MLYCD: variants seen among roughly 807,000 people sequenced by gnomAD.
MLYCD encodes malonyl-CoA decarboxylase, mitochondrial.
A neutral mutation model predicts 35.8 loss-of-function variants in MLYCD; 27 were observed. That is an observed-to-expected ratio of 0.75 (90% CI 0.56 to 1.04). The LOEUF (loss-of-function observed/expected upper bound fraction) is 1.04. Among genes scored for constraint, MLYCD ranks in the 50% least tolerant of loss-of-function variants. The pLI, the probability that MLYCD is intolerant of heterozygous loss-of-function variation, is 0.00. For missense variants in MLYCD, 917 were observed against 665.1 expected, an observed-to-expected ratio of 1.38 and a Z score of -4.17; for synonymous variants, 403 against 302.4, an observed-to-expected ratio of 1.33 and a Z score of -3.45.
Position 83,908,302 on chromosome 16 carries a change from C to T in MLYCD, c.798+20C>T, listed in dbSNP as rs375152688. 3.5e-5 allele frequency: 57 copies of T among 1,613,104 alleles called. No individual in the cohort carries two copies. Among genetic ancestry groups the T allele is most frequent in the East Asian group, 1.3e-4 (6 of 44,870 alleles). On this transcript the variant is annotated intron_variant, in intron 3 of 4. Transcript: ENST00000262430. ...ATCCAGGTACCTGCGATGGTCAATT[C>T]GGGACAAGATGGGCACCCCATAGAG... is the stretch of plus-strand genomic sequence containing the variant.
At chr16:83,904,960 G>A (rs1234746246) in intron 1 of MLYCD, among the ~76,000 whole-genome samples, 1 of 152,186 alleles carries the variant, frequency 6.6e-6, no homozygotes, top group African/African-American at 2.4e-5. Context: ...CCTCTTTCGT[G>A]CCCTAGTGCT....
At chr16:83,900,854 A>G (rs780028351) in intron 1 of MLYCD, among the ~76,000 whole-genome samples, 4 of 152,222 alleles carry the variant, frequency 2.6e-5, no homozygotes, top group Non-Finnish European at 4.4e-5. Flanking sequence ...GTAAAGGAGA[A>G]CATGCTGAGG....
intron 1 of MLYCD, among the ~76,000 whole-genome samples, chr16:83,903,550 G>A (rs1906872223): frequency 6.6e-6 from 1 of 152,148 alleles, no homozygotes; most frequent in African/African-American, 2.4e-5. Flanking sequence ...AAAATAAGCA[G>A]ATCTTGATAG....
Position 83,924,416 on chromosome 16 carries a change from C to G in MLYCD, c.*8927C>G, listed in dbSNP as rs1309311091. ...GAGATGGAGTGGGCCGTATCCCACC[C>G]AGCAGGAGCGCTTGCTTCTGAAGCT... On this transcript the variant is annotated 3_prime_UTR_variant, in exon 5 of 5. Transcript: ENST00000262430. 1.3e-5 allele frequency: 2 copies of G among 152,244 alleles called. No individual in the cohort carries two copies. Among genetic ancestry groups the G allele is most frequent in the African/African-American group, 4.8e-5 (2 of 41,442 alleles). 9.4% of individuals were successfully genotyped at this position (152,244 alleles called of 1,614,324 possible). A position where few individuals can be genotyped will look rare whatever the true frequency, so the allele number is the denominator to read the frequency against.
intron 1 of MLYCD, among the ~76,000 whole-genome samples, chr16:83,904,009 C>T (rs144380980): frequency 3.9e-5 from 6 of 152,168 alleles, no homozygotes; most frequent in South Asian, 2.1e-4. Context: ...AACTGAGCAA[C>T]GGAGACTTCT....
chr16:83,909,040 A>C (rs1907080074), intron 3 of MLYCD, among the ~76,000 whole-genome samples: 2 of 152,192 alleles, frequency 1.3e-5, no homozygotes, highest in African/African-American at 4.8e-5. Flanking sequence ...AGAGAAGCTG[A>C]GTAGGGCAAA....
intron 1 of MLYCD, among the ~76,000 whole-genome samples, chr16:83,905,375 G>C (rs141135327): frequency 1.3e-5 from 2 of 152,264 alleles, no homozygotes; most frequent in African/African-American, 2.4e-5. Flanking sequence ...ATGTTCAGTG[G>C]ATCTGTTACT....
rs551713915 is a variant in MLYCD at position 83,915,619 on chromosome 16, G to T, written c.*130G>T. ...TTGACTGTGTTCTTGTCCCGCAGCCGGTCCACACTGTGAGGCCAGGCCTCA... is the reference window on the plus strand; with the variant it reads ...TTGACTGTGTTCTTGTCCCGCAGCCTGTCCACACTGTGAGGCCAGGCCTCA... On this transcript the variant is annotated 3_prime_UTR_variant, in exon 5 of 5. Coordinates refer to ENST00000262430, the MANE Select transcript of MLYCD (RefSeq NM_012213.3). 6.8e-5 allele frequency: 104 copies of T among 1,527,612 alleles called. No individual in the cohort carries two copies. In the African/African-American group the frequency reaches 1.3e-3, roughly 20 times the overall value. 94.6% of individuals were successfully genotyped at this position (1,527,612 alleles called of 1,614,324 possible).
In MLYCD at chr16:83,899,603, C is replaced by T. The variant is rs1397996961; in HGVS notation, c.459C>T (p.Phe153=). The change falls in exon 1 of 5, where the codon TTC becomes TTT. Residue 153 remains phenylalanine, a synonymous_variant. Transcript: ENST00000262430. ...HISKLDGGVR[F]LVQLRADLLE... ...GCAAGCTGGACGGCGGCGTGCGCTT[C>T]CTGGTGCAGCTGCGGGCCGACCTGC... 6 of 1,584,348 alleles carry T rather than the reference C, an allele frequency of 3.8e-6. No homozygotes were observed. Among genetic ancestry groups the T allele is most frequent in the East Asian group, 2.3e-5 (1 of 43,824 alleles).
Position 83,899,237 on chromosome 16 carries a change from G to T in MLYCD, c.93G>T (p.Gln31His). ...CCGGGCCCCGGCTGGCGAGCGGGCA[G>T]GCGGCCGGCGCCCTGGAGCGGGCCA... Reference protein sequence around the residue: ...RPPGPRLASGQAAGALERAMD... With the variant: ...RPPGPRLASGHAAGALERAMD... The change falls in exon 1 of 5, where the codon CAG becomes CAT. Residue 31 changes from glutamine to histidine, a missense_variant. By Grantham distance (24) the Gln-to-His change is conservative. Transcript: ENST00000262430. 1 of 1,256,816 alleles carries T rather than the reference G, an allele frequency of 8.0e-7. No individual in the cohort carries two copies. Among genetic ancestry groups the T allele is most frequent in the Non-Finnish European group, 9.9e-7 (1 of 1,006,054 alleles). The allele number at this position is 1,256,816 out of a possible 1,614,324, so 77.9% of individuals were successfully genotyped here. A position where few individuals can be genotyped will look rare whatever the true frequency, so the allele number is the denominator to read the frequency against.
chr16:83,901,003 T>C (rs1326211870), intron 1 of MLYCD, among the ~76,000 whole-genome samples: 1 of 152,226 alleles, frequency 6.6e-6, no homozygotes, highest in African/African-American at 2.4e-5. Context: ...TTTTGGCTAC[T>C]TAGATGCATA....
At chr16:83,912,556 G>C in intron 4 of MLYCD, 189 bp downstream of exon 4, 1 of 722,540 alleles carries the variant, frequency 1.4e-6, no homozygotes, top group South Asian at 1.7e-5. Flanking sequence ...AGAGAGATGA[G>C]AATGATGCTG....
At position 83,922,144 on chromosome 16, in the gene MLYCD, C is replaced by G. The variant is rs1024788018; in HGVS notation, c.*6655C>G. On this transcript the variant is annotated 3_prime_UTR_variant, in exon 5 of 5. Coordinates refer to ENST00000262430, the MANE Select transcript of MLYCD (RefSeq NM_012213.3). ...CCCAGGTTCAAGGCTGAAGTCACAA[C>G]CCCACCCCTGCCACAGAGCCTGCCC... The G allele has an allele frequency of 1.3e-5, 2 of 152,168 alleles. No homozygotes were observed. Among genetic ancestry groups the G allele is most frequent in the Admixed American group, 1.3e-4 (2 of 15,262 alleles). The allele number at this position is 152,168 out of a possible 1,614,324, so 9.4% of individuals were successfully genotyped here.
Position 83,921,381 on chromosome 16 carries a change from G to T in MLYCD, c.*5892G>T, listed in dbSNP as rs950968230. The T allele has an allele frequency of 7.4e-6, 1 of 135,864 alleles. No homozygotes were observed. Among genetic ancestry groups the T allele is most frequent in the African/African-American group, 2.7e-5 (1 of 36,380 alleles). 8.4% of individuals were successfully genotyped at this position (135,864 alleles called of 1,614,324 possible). The stretch of plus-strand genomic sequence containing the variant: ...AAGGAGGATGGATGGATGGATGGAT[G>T]GATAGATGGATGGAGGAGGGTGGAT... On this transcript the variant is annotated 3_prime_UTR_variant, in exon 5 of 5. Coordinates refer to ENST00000262430, the MANE Select transcript of MLYCD (RefSeq NM_012213.3).
Position 83,915,513 on chromosome 16 carries a change from G to A in MLYCD, c.*24G>A, listed in dbSNP as rs770776943. 1.2e-6 allele frequency: 2 copies of A among 1,605,906 alleles called. No homozygotes were observed. Among genetic ancestry groups the A allele is most frequent in the South Asian group, 2.2e-5 (2 of 90,972 alleles). ...GACAGTAAACCTCTCCTAAAGCACA[G>A]GGCCCCGGCTAAGAAAACGATCATT... On this transcript the variant is annotated 3_prime_UTR_variant, in exon 5 of 5. Transcript: ENST00000262430.
At chr16:83,910,862 A>T (rs1452007141) in intron 3 of MLYCD, among the ~76,000 whole-genome samples, 1 of 152,134 alleles carries the variant, frequency 6.6e-6, no homozygotes, top group Admixed American at 6.5e-5. Context: ...TCACAGCAGC[A>T]TTTCTTCACT....
chr16:83,913,273 G>T (rs776410955), intron 4 of MLYCD: 1 of 152,266 alleles, frequency 6.6e-6, no homozygotes, highest in African/African-American at 2.4e-5. Flanking sequence ...ACAATGAGCC[G>T]TAGCTCATTC....
At chr16:83,901,218 T>C (rs764641554) in intron 1 of MLYCD, among the ~76,000 whole-genome samples, 5 of 152,236 alleles carry the variant, frequency 3.3e-5, no homozygotes, top group African/African-American at 9.6e-5. Flanking sequence ...TGTTGAATTA[T>C]CATGTTCTGG....
intron 1 of MLYCD, among the ~76,000 whole-genome samples, chr16:83,900,466 G>T (rs1906744975): frequency 6.6e-6 from 1 of 151,928 alleles, no homozygotes; most frequent in Non-Finnish European, 1.5e-5. Flanking sequence ...CCAGACTGGA[G>T]TACAGTGGTG....
Sources: allele counts gnomAD v4.1 joint callset (sites outside exome capture counted in the v4.1 genomes callset), GRCh38; gene constraint gnomAD v4.1.1; transcripts MANE v1.5; gene names NCBI Gene and HGNC (gene_info 2026-07-23, HGNC 2026-07-21).